Variants in EFTUD2 observed in about 807,000 individuals in gnomAD.
EFTUD2 encodes elongation factor Tu GTP binding domain containing 2.
In EFTUD2, 9 loss-of-function variants were observed where a neutral mutation model predicts 114.3. The observed-to-expected ratio is 0.08, with a 90% CI of 0.05 to 0.14. The LOEUF (loss-of-function observed/expected upper bound fraction) is 0.14, where lower values mean the gene tolerates loss of function less well. Among genes scored for constraint, EFTUD2 ranks in the 10% least tolerant of loss-of-function variants. The pLI, the probability that EFTUD2 is intolerant of heterozygous loss-of-function variation, is 1.00. For synonymous variants in EFTUD2, 449 were observed against 462.3 expected (o/e 0.97, Z 0.37); for missense variants, 765 against 1,241.2 (o/e 0.62, Z 5.76).
chr17:44,860,226 A>G, intron 17 of EFTUD2, 181 bp from the exon 18 acceptor site: 2 of 864,896 alleles, frequency 2.3e-6, no homozygotes, highest in Non-Finnish European at 3.6e-6. Context: ...GGCAGAACAA[A>G]GAGAGGAGGA....
rs150415160 is a variant in EFTUD2 at position 44,883,188 on chromosome 17, C to T, written c.427-30G>A. The T allele has an allele frequency of 1.2e-4, 196 of 1,610,822 alleles. No homozygotes were observed. In the African/African-American group the frequency reaches 2.3e-3, roughly 19 times the overall value. Reference sequence around the variant, plus strand: ...AAGGGAAGAAACAGTTAACATCTGCCGACCACAGAGGAAAATTTACTGTGC... The same window carrying T: ...AAGGGAAGAAACAGTTAACATCTGCTGACCACAGAGGAAAATTTACTGTGC... On this transcript the variant is annotated intron_variant, in intron 5 of 27. Transcript: ENST00000426333.
At chr17:44,868,937 T>G (rs1194750549) in intron 11 of EFTUD2, among the ~76,000 whole-genome samples, 1 of 152,258 alleles carries the variant, frequency 6.6e-6, no homozygotes, top group Non-Finnish European at 1.5e-5. Flanking sequence ...CTGGTCAGAC[T>G]GTACCAAACA....
intron 2 of EFTUD2, chr17:44,892,449 T>G (rs567481899): frequency 6.6e-6 from 1 of 152,278 alleles, no homozygotes; most frequent in African/African-American, 2.4e-5. Context: ...AGCTGTGACC[T>G]CCTCTAATTG....
At chr17:44,881,605 A>T in intron 7 of EFTUD2, 82 bp downstream of exon 7, 1 of 1,453,358 alleles carries the variant, frequency 6.9e-7, no homozygotes, top group Non-Finnish European at 9.7e-7. Flanking sequence ...ATGCTATCAT[A>T]AAGGCTCCTC....
At chr17:44,861,982 TTGGTCAAAGA>T (rs1323182058) in intron 16 of EFTUD2, among the ~76,000 whole-genome samples, 1 of 152,182 alleles carries the variant, frequency 6.6e-6, no homozygotes, top group Non-Finnish European at 1.5e-5. Flanking sequence ...GCCTTCTCTC[TTGGTCAAAGA>T]GTAGACAGTG....
rs2231648 is a variant in EFTUD2 at position 44,850,282 on chromosome 17, C to T, written c.*992G>A. On this transcript the variant is annotated 3_prime_UTR_variant, in exon 28 of 28. Transcript: ENST00000426333. ...CCTAGGACGCCTGAGAGCCAGAGGA[C>T]GGGTGAAGGGTTTGATGCCAAGGGG... 0.07 allele frequency: 103,091 copies of T among 1,483,050 alleles called. 4,110 individuals are homozygous for T. The highest frequency in any genetic ancestry group is 0.082 in the Non-Finnish European group (88,254 of 1,074,452). 91.9% of individuals were successfully genotyped at this position (1,483,050 alleles called of 1,614,324 possible). A position where few individuals can be genotyped will look rare whatever the true frequency, so the allele number is the denominator to read the frequency against.
chr17:44,868,632 A>G (rs993694425), intron 11 of EFTUD2, among the ~76,000 whole-genome samples: 1 of 152,192 alleles, frequency 6.6e-6, no homozygotes, highest in African/African-American at 2.4e-5. Flanking sequence ...CATGGGTTAC[A>G]TGTTTTCCTT....
At chr17:44,876,723 G>A (rs2050957825) in intron 9 of EFTUD2, among the ~76,000 whole-genome samples, 1 of 151,868 alleles carries the variant, frequency 6.6e-6, no homozygotes, top group Admixed American at 6.6e-5. Context: ...CGTGGTGGCA[G>A]GCACCTGTAG....
intron 2 of EFTUD2, among the ~76,000 whole-genome samples, chr17:44,893,416 C>T (rs187339370): frequency 1.7e-3 from 265 of 152,276 alleles, no homozygotes; most frequent in African/African-American, 5.9e-3. Context: ...CCACCACGCC[C>T]GGGCCCTTTC....
intron 9 of EFTUD2, among the ~76,000 whole-genome samples, chr17:44,876,431 T>A (rs2050950213): frequency 1.3e-5 from 2 of 152,176 alleles, no homozygotes; most frequent in African/African-American, 2.4e-5. Flanking sequence ...GCATGATTTT[T>A]AATATATGTG....
intron 11 of EFTUD2, among the ~76,000 whole-genome samples, chr17:44,871,990 G>A (rs951320920): frequency 3.3e-5 from 5 of 152,168 alleles, no homozygotes; most frequent in South Asian, 2.1e-4. Flanking sequence ...GATATCATGC[G>A]GCTGGGCATG....
At chr17:44,890,510 C>T (rs747884828) in intron 2 of EFTUD2, among the ~76,000 whole-genome samples, 6 of 151,442 alleles carry the variant, frequency 4.0e-5, no homozygotes, top group Non-Finnish European at 4.4e-5. Flanking sequence ...CTGACCAACA[C>T]GGAGAAACCC....
intron 13 of EFTUD2, among the ~76,000 whole-genome samples, chr17:44,866,300 T>C (rs2050745163): frequency 6.6e-6 from 1 of 152,208 alleles, no homozygotes; most frequent in Non-Finnish European, 1.5e-5. Context: ...TGGAATGCAG[T>C]GGTGTGTGAT....
Position 44,851,240 on chromosome 17 carries a change from T to G in EFTUD2, c.*34A>C. 6.4e-7 allele frequency: 1 copy of G among 1,568,844 alleles called. No homozygotes were observed. On this transcript the variant is annotated 3_prime_UTR_variant, in exon 28 of 28. Coordinates refer to ENST00000426333, the MANE Select transcript of EFTUD2 (RefSeq NM_004247.4). ...TTCAAGTACAGGAGTTGCAGCCCAC[T>G]GTAGGGAGCAGGAGCTCCCAGGAGT...
At chr17:44,888,823 G>C (rs2051222946) in intron 2 of EFTUD2, among the ~76,000 whole-genome samples, 1 of 152,208 alleles carries the variant, frequency 6.6e-6, no homozygotes, top group African/African-American at 2.4e-5. Flanking sequence ...TTAACGCCAG[G>C]CTTGAGATTC....
intron 10 of EFTUD2, 76 bp from the exon 11 acceptor site, chr17:44,872,646 C>T (rs912731480): frequency 5.4e-6 from 8 of 1,482,154 alleles, no homozygotes; most frequent in African/African-American, 1.4e-5. Context: ...AGGGCAGGAA[C>T]TCGGTATCAC....
chr17:44,894,564 T>C, intron 1 of EFTUD2, 39 bp from the exon 2 acceptor site: 1 of 1,512,136 alleles, frequency 6.6e-7, no homozygotes, highest in Non-Finnish European at 9.2e-7. Flanking sequence ...TCTGACAAGG[T>C]AATCAAGGCC....
chr17:44,853,630 G>A lies in EFTUD2; in HGVS notation c.2353C>T (p.Arg785Trp). The change falls in exon 24 of 28, where the codon CGG becomes TGG. Residue 785 changes from arginine (R) to tryptophan (W), a missense_variant. Around this residue, in one of 6 missense-constraint regions of EFTUD2, gnomAD observed 166 missense variants for 401.5 expected, o/e 0.41. Transcript: ENST00000426333. ...TCCAGGATCTTAAACTTGACATTCC[G>A]AATCACTGTAAAGGAGGTGGAGGGA... ...REGPLCDELI[R>W]NVKFKILDAV... 1.2e-6 allele frequency: 2 copies of A among 1,614,098 alleles called. No homozygotes were observed. The highest frequency in any genetic ancestry group is 1.7e-6 in the Non-Finnish European group (2 of 1,180,002).
chr17:44,860,122 G>C (rs1032373770), intron 17 of EFTUD2, 77 bp from the exon 18 acceptor site: 6 of 1,601,206 alleles, frequency 3.7e-6, no homozygotes, highest in Non-Finnish European at 5.1e-6. Flanking sequence ...GAGAAGAGAA[G>C]AGGACTTGCT....
Sources: allele counts gnomAD v4.1 joint callset (sites outside exome capture counted in the v4.1 genomes callset), GRCh38; gene constraint gnomAD v4.1.1; regional missense constraint gnomAD v4.1.1; transcripts MANE v1.5; gene names NCBI Gene and HGNC (gene_info 2026-07-23, HGNC 2026-07-21).